CYP4X1: variants seen among roughly 807,000 people sequenced by gnomAD.
CYP4X1 encodes the protein cytochrome P450 4X1.
Under a neutral mutation model 57.9 loss-of-function variants are expected in CYP4X1, and 44 were observed. The observed-to-expected ratio is 0.76, with a 90% CI of 0.60 to 0.98. The LOEUF is 0.98. Ranked by LOEUF, CYP4X1 falls within the 50% of genes least tolerant of loss-of-function variation. The probability of loss-of-function intolerance (pLI) is 0.00; values close to 1 mark genes in which losing one functional copy is unlikely to be tolerated. For synonymous variants in CYP4X1, 227 were observed against 228.6 expected (o/e 0.99, Z 0.06); for missense variants, 532 against 623.9 (o/e 0.85, Z 1.57).
the CYP4X1 span, among the ~76,000 whole-genome samples, chr1:46,976,079 A>G: frequency 6.6e-6 from 1 of 152,058 alleles, no homozygotes; most frequent in African/African-American, 2.4e-5. Context: ...TACCTGGTTC[A>G]TCTCATTGGG....
chr1:47,030,079 A>T lies in CYP4X1; in HGVS notation c.267A>T (p.Ala89=). Reference sequence around the variant, plus strand: ...CTTTCTGGATTGGGCCCTTTCAGGCATTTTTCTGTATCTATGACCCAGACT... The same window carrying T: ...CTTTCTGGATTGGGCCCTTTCAGGCTTTTTTCTGTATCTATGACCCAGACT... ...AFPFWIGPFQ[A]FFCIYDPDYA... The change falls in exon 2 of 12, where the codon GCA becomes GCT. Residue 89 remains alanine, a synonymous_variant. Transcript: ENST00000371901. The T allele has an allele frequency of 1.2e-6, 2 of 1,614,078 alleles. No homozygotes were observed. Among genetic ancestry groups the T allele is most frequent in the Non-Finnish European group, 1.7e-6 (2 of 1,179,992 alleles).
chr1:46,974,891 A>G, the CYP4X1 span, among the ~76,000 whole-genome samples: 1 of 151,988 alleles, frequency 6.6e-6, no homozygotes. Context: ...ATTTTTTTAA[A>G]TAAAAATTGC....
At chr1:47,008,070 G>T in the CYP4X1 span, among the ~76,000 whole-genome samples, 1 of 152,232 alleles carries the variant, frequency 6.6e-6, no homozygotes, top group South Asian at 2.1e-4. Context: ...GAAATACAGA[G>T]AATGCCACAA....
intron 9 of CYP4X1, 88 bp from the exon 10 acceptor site, chr1:47,048,477 C>T (rs2148516879): frequency 7.1e-7 from 1 of 1,415,946 alleles, no homozygotes; most frequent in Non-Finnish European, 1.0e-6. Flanking sequence ...TAGCTCTTCC[C>T]TTCAAGAACA....
chr1:47,028,180 G>A (rs571380072), intron 1 of CYP4X1, among the ~76,000 whole-genome samples: 6 of 152,290 alleles, frequency 3.9e-5, no homozygotes, highest in African/African-American at 1.4e-4. Context: ...GTGTGTATGT[G>A]TGTGTGCATC....
At chr1:46,980,076 G>A in the CYP4X1 span, among the ~76,000 whole-genome samples, 185 of 152,156 alleles carry the variant, frequency 1.2e-3, 3 homozygotes, top group East Asian at 0.03. Flanking sequence ...CAAGACAGGG[G>A]TGCCCTCTCT....
the CYP4X1 span, among the ~76,000 whole-genome samples, chr1:46,966,121 T>C: frequency 6.6e-6 from 1 of 152,178 alleles, no homozygotes; most frequent in Admixed American, 6.5e-5. Flanking sequence ...CACTAAAAAC[T>C]CAACACTTTT....
chr1:46,996,536 G>T, the CYP4X1 span, among the ~76,000 whole-genome samples: 832 of 152,320 alleles, frequency 5.5e-3, 9 homozygotes, highest in African/African-American at 0.02. Context: ...CATTGAAAAT[G>T]ATGTTTATGG....
At chr1:47,051,568 T>G (rs982759393), downstream of CYP4X1, among the ~76,000 whole-genome samples, 1 of 152,180 alleles carries the variant, frequency 6.6e-6, no homozygotes, top group African/African-American at 2.4e-5. Flanking sequence ...TCCCCTTGGA[T>G]GACCTAATTT....
At chr1:46,993,187 GT>G in the CYP4X1 span, among the ~76,000 whole-genome samples, 2 of 149,630 alleles carry the variant, frequency 1.3e-5, no homozygotes, top group Non-Finnish European at 1.5e-5. Context: ...GCGGTGTTTG[GT>G]TTTTTGTCCT....
chr1:46,984,562 C>G, the CYP4X1 span, among the ~76,000 whole-genome samples: 1 of 152,020 alleles, frequency 6.6e-6, no homozygotes, highest in Non-Finnish European at 1.5e-5. Context: ...AGAAGGCAAG[C>G]TGAAGCAGGA....
At chr1:47,051,865 A>C (rs1445614303), downstream of CYP4X1, among the ~76,000 whole-genome samples, 1 of 152,124 alleles carries the variant, frequency 6.6e-6, no homozygotes, top group Non-Finnish European at 1.5e-5. Flanking sequence ...TAAAATTCTA[A>C]AATAACTCAC....
chr1:47,033,107 G>A (rs960909883), intron 3 of CYP4X1, 134 bp from the exon 4 acceptor site: 21 of 862,854 alleles, frequency 2.4e-5, no homozygotes, highest in Middle Eastern at 2.7e-4. Context: ...ACATTAATAC[G>A]AGTACTACTT....
At chr1:46,977,667 A>C in the CYP4X1 span, among the ~76,000 whole-genome samples, 1 of 152,030 alleles carries the variant, frequency 6.6e-6, no homozygotes, top group Non-Finnish European at 1.5e-5. Flanking sequence ...CCCAAGACAC[A>C]TAATTGTCAG....
chr1:46,977,020 A>T, the CYP4X1 span, among the ~76,000 whole-genome samples: 1 of 152,178 alleles, frequency 6.6e-6, no homozygotes, highest in Non-Finnish European at 1.5e-5. Flanking sequence ...ATGGGGAGAA[A>T]CCAGAGCAGG....
chr1:47,043,985 TTAAAGA>T (rs1644274913), intron 8 of CYP4X1, among the ~76,000 whole-genome samples: 1 of 152,200 alleles, frequency 6.6e-6, no homozygotes, highest in Non-Finnish European at 1.5e-5. Flanking sequence ...ATGTGTGTTC[TTAAAGA>T]TGAAATGAGA....
the CYP4X1 span, among the ~76,000 whole-genome samples, chr1:46,974,703 T>A: frequency 1.3e-5 from 2 of 152,312 alleles, no homozygotes; most frequent in East Asian, 3.9e-4. Context: ...TTTGTCTTTT[T>A]TAATCATTGT....
Position 47,049,457 on chromosome 1 carries a change from T to C in CYP4X1, c.1308T>C (p.Ser436=). The change falls in exon 11 of 12, where the codon TCT becomes TCC. Residue 436 remains serine, a synonymous_variant. Transcript: ENST00000371901. Reference sequence around the variant, plus strand: ...CCTTGAGGTTCTCTCAGGAGAATTCTGATCAGAGACACCCCTATGCCTACT... The same window carrying C: ...CCTTGAGGTTCTCTCAGGAGAATTCCGATCAGAGACACCCCTATGCCTACT... ...FDPLRFSQEN[S]DQRHPYAYLP... The C allele has an allele frequency of 6.2e-7, 1 of 1,614,172 alleles. No individual in the cohort carries two copies. The highest frequency in any genetic ancestry group is 2.2e-5 in the East Asian group (1 of 44,878).
intron 1 of CYP4X1, among the ~76,000 whole-genome samples, chr1:47,028,465 G>A (rs1293377564): frequency 6.6e-6 from 1 of 152,194 alleles, no homozygotes; most frequent in Non-Finnish European, 1.5e-5. Context: ...AGCAGTGCTT[G>A]ATAAATGTTC....
Sources: gnomAD v4.1 joint callset for allele counts (sites outside exome capture counted in the v4.1 genomes callset) on GRCh38, gnomAD v4.1.1 for gene constraint, MANE v1.5 for transcripts, NCBI Gene and HGNC (gene_info 2026-07-23, HGNC 2026-07-21) for gene names.